Variants in PRKAG2 observed in about 807,000 individuals in gnomAD.
PRKAG2 encodes protein kinase AMP-activated non-catalytic subunit gamma 2.
In PRKAG2, 26 loss-of-function variants were observed where a neutral mutation model predicts 69.6. The ratio of observed to expected loss-of-function variants is 0.37; its 90% CI spans 0.27 to 0.52. The LOEUF (loss-of-function observed/expected upper bound fraction) is 0.52, where lower values mean the gene tolerates loss of function less well. Among genes scored for constraint, PRKAG2 ranks in the 20% least tolerant of loss-of-function variants. The pLI is 0.90. For missense variants in PRKAG2, 557 were observed against 740.0 expected, an observed-to-expected ratio of 0.75 and a Z score of 2.87; for synonymous variants, 293 against 285.0, an observed-to-expected ratio of 1.03 and a Z score of -0.28.
chr7:151,776,124 G>A (rs2076333823), intron 3 of PRKAG2, among the ~76,000 whole-genome samples: 1 of 152,184 alleles, frequency 6.6e-6, no homozygotes, highest in African/African-American at 2.4e-5. Flanking sequence ...TTCTTTCAGG[G>A]AAAGCCAAGG....
At position 151,788,023 on chromosome 7, in the gene PRKAG2, T is replaced by C. The variant is rs1045042696; in HGVS notation, c.115-1482A>G. Among the ~76,000 whole-genome samples, 1 of 152,240 alleles carries C rather than the reference T, an allele frequency of 6.6e-6. No individual in the cohort carries two copies. Among genetic ancestry groups the C allele is most frequent in the East Asian group, 1.9e-4 (1 of 5,200 alleles). On this transcript the variant is annotated intron_variant, in intron 1 of 15. Transcript: ENST00000287878. The surrounding 1 kb of genome is among the most constrained non-coding windows in gnomAD (Gnocchi z 4.6). The stretch of plus-strand genomic sequence containing the variant: ...GTTGTTTAAGCCACCCCACTTAATC[T>C]GTAGTGCTTTGCTATGGCAGCCTAG...
At chr7:151,678,232 G>T (rs1045862703) in intron 3 of PRKAG2, among the ~76,000 whole-genome samples, 22 of 152,054 alleles carry the variant, frequency 1.4e-4, no homozygotes, top group African/African-American at 5.1e-4. Context: ...AAACATAAAA[G>T]TATGTAAGTC....
At chr7:151,727,701 A>T (rs1264521553) in intron 3 of PRKAG2, among the ~76,000 whole-genome samples, 1 of 141,584 alleles carries the variant, frequency 7.1e-6, no homozygotes, top group Non-Finnish European at 1.6e-5. Flanking sequence ...AGGGCTGGCC[A>T]GGCCCAGGAG....
intron 3 of PRKAG2, among the ~76,000 whole-genome samples, chr7:151,773,050 AGAGGGAGGGAGG>A (rs71198730): frequency 1.2e-3 from 39 of 32,610 alleles, no homozygotes; most frequent in African/African-American, 4.6e-3. Flanking sequence ...AGAGAGAGAG[AGAGGGAGGGAGG>A]GAGGGAGGGA....
Position 151,659,186 on chromosome 7 carries a change from G to C in PRKAG2, c.684+16234C>G, listed in dbSNP as rs531776194. On this transcript the variant is annotated intron_variant, in intron 4 of 15. Coordinates refer to ENST00000287878, the MANE Select transcript of PRKAG2 (RefSeq NM_016203.4). The stretch of plus-strand genomic sequence containing the variant: ...ATTCCATCTTCTGACATTGGATCTA[G>C]GCGGTTTATTTAAAAAGCTGGGTCT... 2.6e-3 allele frequency among the ~76,000 whole-genome samples: 401 copies of C among 152,246 alleles called. 5 individuals are homozygous for C. Among genetic ancestry groups the C allele is most frequent in the Middle Eastern group, 0.02 (6 of 294 alleles).
chr7:151,813,675 C>A (rs922200569), intron 1 of PRKAG2, among the ~76,000 whole-genome samples: 1 of 152,122 alleles, frequency 6.6e-6, no homozygotes, highest in Non-Finnish European at 1.5e-5. Flanking sequence ...CTCCTCTCCA[C>A]CAGACAGCGG....
At chr7:151,690,279 G>C (rs950571884) in intron 3 of PRKAG2, among the ~76,000 whole-genome samples, 1 of 152,170 alleles carries the variant, frequency 6.6e-6, no homozygotes, top group African/African-American at 2.4e-5. Flanking sequence ...GTGTCTGATG[G>C]ACAGTACCTA....
At chr7:151,876,421 C>T in intron 1 of PRKAG2, 86 bp downstream of exon 1, 1 of 1,327,518 alleles carries the variant, frequency 7.5e-7, no homozygotes, top group Non-Finnish European at 1.1e-6. Flanking sequence ...ACGGCGCGCG[C>T]GGGGCGTCCA....
rs7795139 is a variant in PRKAG2 at position 151,812,188 on chromosome 7, T to C, written c.115-25647A>G. Among the ~76,000 whole-genome samples the C allele has an allele frequency of 2.7e-3, 411 of 152,296 alleles. 3 individuals carry two copies. The highest frequency in any genetic ancestry group is 9.2e-3 in the African/African-American group (382 of 41,558). ...ACCTGACTGCATTAGGAGTCATCAA[T>C]TGAATCTACCGACAAGAATTGAACA... On this transcript the variant is annotated intron_variant, in intron 1 of 15. Transcript: ENST00000287878.
rs371263536 is a variant in PRKAG2, at chr7:151,836,100, A to G, written c.114+40407T>C. Among the ~76,000 whole-genome samples, 8 of 152,228 alleles carry G rather than the reference A, an allele frequency of 5.3e-5. No individual in the cohort carries two copies. The highest frequency in any genetic ancestry group is 8.8e-5 in the Non-Finnish European group (6 of 68,040). On this transcript the variant is annotated intron_variant, in intron 1 of 15. Transcript: ENST00000287878. This position sits in a 1 kb window ranked among gnomAD's most constrained non-coding sequence, Gnocchi z 4.1. ...GGTTTTAAACCAGTGAGATGTGATT[A>G]CAATGAATATTCATGACCGCTTCCC...
chr7:151,786,582 T>G, intron 1 of PRKAG2, 41 bp from the exon 2 acceptor site: 1 of 1,545,680 alleles, frequency 6.5e-7, no homozygotes, highest in Non-Finnish European at 8.9e-7. Flanking sequence ...ACAGTGGCCC[T>G]CGGGCCCAGG....
At chr7:151,759,749 G>A (rs940917996) in intron 3 of PRKAG2, among the ~76,000 whole-genome samples, 6 of 152,198 alleles carry the variant, frequency 3.9e-5, no homozygotes, top group African/African-American at 1.4e-4. Flanking sequence ...CTGTCACAAA[G>A]CCAGAAAAAC....
chr7:151,852,580 G>T (rs376074407), intron 1 of PRKAG2, among the ~76,000 whole-genome samples: 29 of 152,122 alleles, frequency 1.9e-4, no homozygotes, highest in African/African-American at 7.0e-4. Context: ...GACCTGTAGG[G>T]GGGCATGTGG....
At position 151,828,469 on chromosome 7, in the gene PRKAG2, A is replaced by T. The variant is rs2078956487; in HGVS notation, c.115-41928T>A. Among the ~76,000 whole-genome samples the T allele has an allele frequency of 6.6e-6, 1 of 152,256 alleles. No homozygotes were observed. Among genetic ancestry groups the T allele is most frequent in the African/African-American group, 2.4e-5 (1 of 41,462 alleles). On this transcript the variant is annotated intron_variant, in intron 1 of 15. Transcript: ENST00000287878. This position sits in a 1 kb window ranked among gnomAD's most constrained non-coding sequence, Gnocchi z 4.6. ...AGAATGACCCTAAAAGCCATCTCAC[A>T]GAGGTGACACTGCTATAAAGGCTAG... is the stretch of plus-strand genomic sequence containing the variant.
At chr7:151,845,855 C>T (rs1311047929) in intron 1 of PRKAG2, among the ~76,000 whole-genome samples, 3 of 152,218 alleles carry the variant, frequency 2.0e-5, no homozygotes, top group Admixed American at 6.5e-5. Flanking sequence ...TGCCATTAGC[C>T]CCAGAGTCTG....
chr7:151,762,098 G>A (rs548255112), intron 3 of PRKAG2, among the ~76,000 whole-genome samples: 2 of 152,328 alleles, frequency 1.3e-5, no homozygotes, highest in East Asian at 1.9e-4. Flanking sequence ...GCCACTGTCC[G>A]ATGGGTTAGC....
chr7:151,709,922 ACT>A (rs1396547373), intron 3 of PRKAG2, among the ~76,000 whole-genome samples: 2 of 152,206 alleles, frequency 1.3e-5, no homozygotes, highest in African/African-American at 4.8e-5. Context: ...ATATTGTGAC[ACT>A]GAGTGACGTG....
chr7:151,745,498 C>T (rs1405093107), intron 3 of PRKAG2, among the ~76,000 whole-genome samples: 3 of 152,168 alleles, frequency 2.0e-5, no homozygotes, highest in African/African-American at 4.8e-5. Flanking sequence ...CTCTGTTCCA[C>T]GTCAGCCCGA....
chr7:151,776,388 C>T lies in PRKAG2; in HGVS notation c.466+4764G>A, dbSNP rs142707383. Among the ~76,000 whole-genome samples, 11 of 150,624 alleles carry T rather than the reference C, an allele frequency of 7.3e-5. No homozygotes were observed. The East Asian group carries it at 2.0e-3, about 27-fold the overall frequency. ...TGCCTTCTCCATAGTACCTGACAAG[C>T]CAGAAGAGTGAACCTGGGGATTTTC... is the stretch of plus-strand genomic sequence containing the variant. On this transcript the variant is annotated intron_variant, in intron 3 of 15. Coordinates refer to ENST00000287878, the MANE Select transcript of PRKAG2 (RefSeq NM_016203.4).
Sources: gnomAD v4.1 joint callset for allele counts (sites outside exome capture counted in the v4.1 genomes callset) on GRCh38, gnomAD v4.1.1 for gene constraint, Gnocchi (gnomAD v3.1) non-coding constraint, MANE v1.5 for transcripts, NCBI Gene and HGNC (gene_info 2026-07-23, HGNC 2026-07-21) for gene names.